The following UCK2 variants were observed in gnomAD, a reference collection of about 807,000 sequenced individuals.
UCK2 encodes cytidine monophosphokinase 2.
UCK2 carries 6 observed loss-of-function variants against 30.8 expected under a neutral mutation model. The ratio of observed to expected loss-of-function variants is 0.19; its 90% CI spans 0.11 to 0.38. The LOEUF (loss-of-function observed/expected upper bound fraction) is 0.38. Ranked by LOEUF, UCK2 falls within the 10% of genes least tolerant of loss-of-function variation. The pLI is 1.00. For missense variants in UCK2, 210 were observed against 339.8 expected (o/e 0.62, Z 3.00); for synonymous variants, 125 against 133.6 (o/e 0.94, Z 0.45).
intron 4 of UCK2, chr1:165,898,105 A>G (rs1035525154): frequency 2.6e-5 from 4 of 151,742 alleles, no homozygotes; most frequent in Non-Finnish European, 5.9e-5. Flanking sequence ...TAATCCACAA[A>G]CTCCGGCCCT....
intron 1 of UCK2, among the ~76,000 whole-genome samples, chr1:165,881,590 T>C (rs758157518): frequency 6.6e-6 from 1 of 152,232 alleles, no homozygotes; most frequent in Admixed American, 6.5e-5. Flanking sequence ...TTTCTTCTTA[T>C]GTAAAGTAAA....
intron 1 of UCK2, among the ~76,000 whole-genome samples, chr1:165,842,932 C>G (rs78706091): frequency 0.025 from 3,862 of 152,314 alleles, 47 homozygotes; most frequent in South Asian, 0.039. Flanking sequence ...GAGCTCACCT[C>G]CACACTAGTG....
chr1:165,831,015 G>A (rs771476813), intron 1 of UCK2, among the ~76,000 whole-genome samples: 1 of 152,162 alleles, frequency 6.6e-6, no homozygotes, highest in Non-Finnish European at 1.5e-5. Flanking sequence ...GGCTGAGGTG[G>A]GAGGAATGCT....
intron 1 of UCK2, among the ~76,000 whole-genome samples, chr1:165,872,935 C>T (rs753556777): frequency 2.6e-5 from 4 of 152,040 alleles, no homozygotes; most frequent in Non-Finnish European, 5.9e-5. Context: ...AGGCTTTGTG[C>T]CTTATACTAT....
chr1:165,840,672 T>C (rs1264715330), intron 1 of UCK2, among the ~76,000 whole-genome samples: 1 of 152,210 alleles, frequency 6.6e-6, no homozygotes, highest in Non-Finnish European at 1.5e-5. Context: ...TAGTCAGATA[T>C]TGGGCACCCT....
Position 165,890,227 on chromosome 1 carries a change from G to A in UCK2, c.123G>A (p.Val41=), listed in dbSNP as rs755310002. Residue 41 remains valine (V), a synonymous_variant, in exon 2 of 7, where the codon GTG becomes GTA. Coordinates refer to ENST00000367879, the MANE Select transcript of UCK2 (RefSeq NM_012474.5). Reference sequence around the variant, plus strand: ...AGTCTTCCGTGTGTGCTAAGATCGTGCAGCTCCTGGGGCAGAATGAGGTGG... The same window carrying A: ...AGTCTTCCGTGTGTGCTAAGATCGTACAGCTCCTGGGGCAGAATGAGGTGG... ...SGKSSVCAKI[V]QLLGQNEVDY... The A allele has an allele frequency of 1.9e-6, 3 of 1,614,098 alleles. No homozygotes were observed. The highest frequency in any genetic ancestry group is 1.7e-5 in the Admixed American group (1 of 60,018).
chr1:165,844,629 G>A (rs1284125651), intron 1 of UCK2, among the ~76,000 whole-genome samples: 2 of 152,176 alleles, frequency 1.3e-5, no homozygotes, highest in African/African-American at 4.8e-5. Context: ...CGAACCGCGT[G>A]ATTACGGTGT....
At position 165,827,783 on chromosome 1, in the gene UCK2, G is replaced by A; in HGVS notation, c.-51G>A. 7.6e-7 allele frequency: 1 copy of A among 1,321,882 alleles called. No individual in the cohort carries two copies. The highest frequency in any genetic ancestry group is 9.8e-7 in the Non-Finnish European group (1 of 1,023,550). The allele number at this position is 1,321,882 out of a possible 1,614,324, so 81.9% of individuals were successfully genotyped here. A position where few individuals can be genotyped will look rare whatever the true frequency, so the allele number is the denominator to read the frequency against. ...AGGGAGTCCGACGCGGGCGCGGGCG[G>A]GGAGCGTGCGTCCGTTCGCACAGGC... On this transcript the variant is annotated 5_prime_UTR_variant, in exon 1 of 7. Coordinates refer to ENST00000367879, the MANE Select transcript of UCK2 (RefSeq NM_012474.5).
intron 1 of UCK2, among the ~76,000 whole-genome samples, chr1:165,888,175 T>G (rs1655668249): frequency 6.6e-6 from 1 of 152,182 alleles, no homozygotes; most frequent in South Asian, 2.1e-4. Flanking sequence ...ATTTCATATT[T>G]TTGTTGTTGT....
At chr1:165,835,922 A>G (rs1654177456) in intron 1 of UCK2, among the ~76,000 whole-genome samples, 1 of 152,200 alleles carries the variant, frequency 6.6e-6, no homozygotes, top group Admixed American at 6.5e-5. Flanking sequence ...TTATTAGTAT[A>G]AAATTCATCA....
chr1:165,858,999 A>G (rs1328564168), intron 1 of UCK2, among the ~76,000 whole-genome samples: 1 of 152,222 alleles, frequency 6.6e-6, no homozygotes, highest in Non-Finnish European at 1.5e-5. Context: ...TCTGCTGGAT[A>G]AATCTTCTGC....
Position 165,827,698 on chromosome 1 carries a change from C to A in UCK2, c.-136C>A. On this transcript the variant is annotated 5_prime_UTR_variant, in exon 1 of 7. Coordinates refer to ENST00000367879, the MANE Select transcript of UCK2 (RefSeq NM_012474.5). ...CCCCGTCACCGGGCTCCGAGCGGCT[C>A]GCAGGCGAGCGACAGCGGCCTCAGC... is the stretch of plus-strand genomic sequence containing the variant. 1 of 733,316 alleles carries A rather than the reference C, an allele frequency of 1.4e-6. No individual in the cohort carries two copies. Among genetic ancestry groups the A allele is most frequent in the Non-Finnish European group, 1.9e-6 (1 of 525,704 alleles). The allele number at this position is 733,316 out of a possible 1,614,324, so 45.4% of individuals were successfully genotyped here. A position where few individuals can be genotyped will look rare whatever the true frequency, so the allele number is the denominator to read the frequency against.
chr1:165,856,371 G>T (rs896881481), intron 1 of UCK2, among the ~76,000 whole-genome samples: 2 of 150,046 alleles, frequency 1.3e-5, no homozygotes, highest in African/African-American at 2.5e-5. Flanking sequence ...CGTGCCTGTT[G>T]TATCCCCAGC....
chr1:165,878,546 A>G (rs1042940969), intron 1 of UCK2, among the ~76,000 whole-genome samples: 1 of 152,020 alleles, frequency 6.6e-6, no homozygotes, highest in African/African-American at 2.4e-5. Context: ...CCCTCTGGCC[A>G]TGTTGGCCAG....
intron 1 of UCK2, among the ~76,000 whole-genome samples, chr1:165,882,723 A>T (rs1172232945): frequency 6.6e-6 from 1 of 152,122 alleles, no homozygotes; most frequent in African/African-American, 2.4e-5. Context: ...AAGGGCCCTC[A>T]TCACCTCCTA....
chr1:165,869,652 C>CATGGGCCTTT (rs1377742567), intron 1 of UCK2, among the ~76,000 whole-genome samples: 1 of 128,380 alleles, frequency 7.8e-6, no homozygotes, highest in Non-Finnish European at 1.6e-5. Flanking sequence ...AGAATCTCAT[C>CATGGGCCTTT]ATGGGCCTTT....
In UCK2 at chr1:165,870,345, T is replaced by G. The variant is rs938503814; in HGVS notation, c.100-19859T>G. ...TCTGGCTACAGGGTTCTCATTTGAATGTCCAGTTTTCCCAGTACCATTTGC... is the reference window on the plus strand; with the variant it reads ...TCTGGCTACAGGGTTCTCATTTGAAGGTCCAGTTTTCCCAGTACCATTTGC... On this transcript the variant is annotated intron_variant, in intron 1 of 6. Transcript: ENST00000367879. 4.1e-4 allele frequency among the ~76,000 whole-genome samples: 61 copies of G among 150,142 alleles called. 1 individual carries two copies. The highest frequency in any genetic ancestry group is 1.4e-3 in the African/African-American group (58 of 40,744).
At chr1:165,897,251 G>A (rs1647293837) in intron 4 of UCK2, among the ~76,000 whole-genome samples, 1 of 152,106 alleles carries the variant, frequency 6.6e-6, no homozygotes. Context: ...GAGGTTCTGA[G>A]CGAGGCAAGT....
chr1:165,842,265 C>G (rs563519648), intron 1 of UCK2, among the ~76,000 whole-genome samples: 29 of 152,304 alleles, frequency 1.9e-4, no homozygotes, highest in African/African-American at 7.0e-4. Context: ...TTTTCCCCCT[C>G]CATGTTCTGT....
Sources: gnomAD v4.1 joint callset for allele counts (sites outside exome capture counted in the v4.1 genomes callset) on GRCh38, gnomAD v4.1.1 for gene constraint, MANE v1.5 for transcripts, NCBI Gene and HGNC (gene_info 2026-07-23, HGNC 2026-07-21) for gene names.